ESRRG: variants seen among roughly 807,000 people sequenced by gnomAD.
ESRRG encodes the protein estrogen related receptor gamma.
Under a neutral mutation model 44.0 loss-of-function variants are expected in ESRRG, and 13 were observed. The ratio of observed to expected loss-of-function variants is 0.30; its 90% CI spans 0.19 to 0.47. ESRRG has a LOEUF of 0.47. Ranked by LOEUF, ESRRG falls within the 20% of genes least tolerant of loss-of-function variation. ESRRG has a pLI of 1.00. For synonymous variants in ESRRG, 215 were observed against 214.6 expected (o/e 1.00, Z -0.02); for missense variants, 395 against 580.6 (o/e 0.68, Z 3.29).
At chr1:216,856,037 G>A (rs2095930964) in intron 2 of ESRRG, among the ~76,000 whole-genome samples, 1 of 151,838 alleles carries the variant, frequency 6.6e-6, no homozygotes, top group East Asian at 1.9e-4. Context: ...TATCAAAAGA[G>A]GTGACCTACT....
intron 2 of ESRRG, among the ~76,000 whole-genome samples, chr1:216,755,776 A>G (rs1432220317): frequency 6.6e-6 from 1 of 152,026 alleles, no homozygotes; most frequent in Non-Finnish European, 1.5e-5. Flanking sequence ...AACAGTATGC[A>G]TTTTTATGCT....
At chr1:216,880,296 C>T (rs946178701) in intron 2 of ESRRG, among the ~76,000 whole-genome samples, 1 of 83,668 alleles carries the variant, frequency 1.2e-5, no homozygotes, top group Admixed American at 1.2e-4. Flanking sequence ...GACAACAAGC[C>T]TCCCTCTCAA....
chr1:216,785,384 G>T (rs569541052), intron 2 of ESRRG, among the ~76,000 whole-genome samples: 64 of 152,148 alleles, frequency 4.2e-4, no homozygotes, highest in African/African-American at 1.4e-3. Flanking sequence ...CACGCAGCTT[G>T]CACCATCAGC....
chr1:217,062,160 C>A (rs1312768610), intron 1 of ESRRG, among the ~76,000 whole-genome samples: 1 of 152,090 alleles, frequency 6.6e-6, no homozygotes, highest in African/African-American at 2.4e-5. Flanking sequence ...CCCGAGACAC[C>A]CCTGGCGTGT....
At chr1:216,509,416 T>A (rs1393022690) in intron 6 of ESRRG, among the ~76,000 whole-genome samples, 1 of 152,238 alleles carries the variant, frequency 6.6e-6, no homozygotes, top group Admixed American at 6.5e-5. Flanking sequence ...AATTCTATCA[T>A]TTGGTCCTGT....
At chr1:216,643,334 C>T (rs1039765705) in intron 3 of ESRRG, among the ~76,000 whole-genome samples, 1 of 152,094 alleles carries the variant, frequency 6.6e-6, no homozygotes, top group Non-Finnish European at 1.5e-5. Context: ...TCAGAATAAA[C>T]AGAACATCTG....
intron 2 of ESRRG, among the ~76,000 whole-genome samples, chr1:216,845,026 T>A (rs959323545): frequency 6.6e-6 from 1 of 152,150 alleles, no homozygotes. Flanking sequence ...ATGACTCTTA[T>A]TTAAAGTAGC....
intron 1 of ESRRG, among the ~76,000 whole-genome samples, chr1:217,086,771 T>G (rs1251622727): frequency 6.6e-6 from 1 of 152,188 alleles, no homozygotes; most frequent in Non-Finnish European, 1.5e-5. Context: ...AATACAGAAT[T>G]TCTATATTAT....
intron 1 of ESRRG, among the ~76,000 whole-genome samples, chr1:216,711,746 T>A (rs1051955770): frequency 6.6e-6 from 1 of 151,148 alleles, no homozygotes; most frequent in Admixed American, 6.6e-5. Context: ...GATATTATAA[T>A]ATACTTGGTA....
At chr1:217,080,065 C>G (rs1459577016) in intron 1 of ESRRG, among the ~76,000 whole-genome samples, 1 of 152,214 alleles carries the variant, frequency 6.6e-6, no homozygotes, top group East Asian at 1.9e-4. Flanking sequence ...CTGTCAAGTT[C>G]TCTTTAAGAT....
intron 2 of ESRRG, among the ~76,000 whole-genome samples, chr1:216,660,083 T>C (rs909959964): frequency 1.2e-4 from 18 of 152,200 alleles, no homozygotes; most frequent in Admixed American, 1.1e-3. Flanking sequence ...CACAGACTTA[T>C]AGGATATTTG....
chr1:216,895,058 C>A (rs1160671056), intron 2 of ESRRG, among the ~76,000 whole-genome samples: 2 of 152,198 alleles, frequency 1.3e-5, no homozygotes, highest in South Asian at 2.1e-4. Flanking sequence ...GGCGGATAAA[C>A]CCTTGCACCA....
chr1:217,046,750 G>C (rs963548361), intron 1 of ESRRG, among the ~76,000 whole-genome samples: 2 of 152,046 alleles, frequency 1.3e-5, no homozygotes, highest in African/African-American at 4.8e-5. Context: ...AGGTGTGGTG[G>C]TATGCACCTG....
intron 2 of ESRRG, among the ~76,000 whole-genome samples, chr1:216,846,548 C>A (rs12059344): frequency 0.034 from 5,105 of 152,098 alleles, 300 homozygotes; most frequent in African/African-American, 0.11. Flanking sequence ...AAACAGGCAC[C>A]GGACAGAATT....
chr1:217,016,244 T>C (rs1213078687), intron 1 of ESRRG, among the ~76,000 whole-genome samples: 1 of 152,106 alleles, frequency 6.6e-6, no homozygotes, highest in African/African-American at 2.4e-5. Flanking sequence ...AAGTGTAACA[T>C]TATTTGTACA....
intron 1 of ESRRG, among the ~76,000 whole-genome samples, chr1:217,020,224 G>A (rs577589010): frequency 5.7e-4 from 87 of 152,226 alleles, no homozygotes; most frequent in African/African-American, 1.9e-3. Flanking sequence ...AAGGAGAGCC[G>A]ATATCACAGT....
chr1:216,954,058 T>C (rs998655085), intron 1 of ESRRG, among the ~76,000 whole-genome samples: 8 of 152,122 alleles, frequency 5.3e-5, no homozygotes, highest in Non-Finnish European at 1.2e-4. Context: ...TTTCAATTGT[T>C]AAAGAGAAGA....
intron 2 of ESRRG, among the ~76,000 whole-genome samples, chr1:216,823,113 G>A (rs1032358198): frequency 6.6e-6 from 1 of 151,606 alleles, no homozygotes; most frequent in Admixed American, 6.6e-5. Flanking sequence ...GAGAACCTTC[G>A]ACTAACATCT....
chr1:217,111,133 T>C (rs2092657320), intron 1 of ESRRG, among the ~76,000 whole-genome samples: 1 of 152,126 alleles, frequency 6.6e-6, no homozygotes. Flanking sequence ...AGAATACAGG[T>C]CAGACACTGG....
Sources: allele counts gnomAD v4.1 joint callset (sites outside exome capture counted in the v4.1 genomes callset), GRCh38; gene constraint gnomAD v4.1.1; transcripts MANE v1.5; gene names NCBI Gene and HGNC (gene_info 2026-07-23, HGNC 2026-07-21).